Variants in ANKRD44 observed in about 807,000 individuals in gnomAD.
ANKRD44 encodes the protein serine/threonine-protein phosphatase 6 regulatory ankyrin repeat subunit B.
A neutral mutation model predicts 116.0 loss-of-function variants in ANKRD44; 35 were observed. The observed-to-expected ratio is 0.30, with a 90% CI of 0.23 to 0.40. ANKRD44 has a LOEUF of 0.40. Among genes scored for constraint, ANKRD44 ranks in the 10% least tolerant of loss-of-function variants. The pLI is 1.00. For missense variants in ANKRD44, 1,014 were observed against 1,242.6 expected (o/e 0.82, Z 2.77); for synonymous variants, 435 against 461.8 (o/e 0.94, Z 0.74).
intron 1 of ANKRD44, among the ~76,000 whole-genome samples, chr2:197,284,675 C>T (rs1015756449): frequency 5.3e-5 from 8 of 152,010 alleles, no homozygotes; most frequent in East Asian, 1.9e-4. Flanking sequence ...CACTTGAGGC[C>T]AGGAGTTCGA....
At chr2:197,211,844 C>T (rs1037916328) in intron 1 of ANKRD44, among the ~76,000 whole-genome samples, 5 of 151,830 alleles carry the variant, frequency 3.3e-5, no homozygotes, top group African/African-American at 9.7e-5. Flanking sequence ...CAGGAGACGA[C>T]GCAGCACAAA....
intron 1 of ANKRD44, among the ~76,000 whole-genome samples, chr2:197,200,575 A>G (rs908888124): frequency 1.5e-4 from 23 of 152,054 alleles, no homozygotes; most frequent in Non-Finnish European, 2.6e-4. Context: ...AAAATGCACT[A>G]CTTCCAGACA....
intron 1 of ANKRD44, among the ~76,000 whole-genome samples, chr2:197,189,291 T>C (rs1014138388): frequency 6.6e-6 from 1 of 152,206 alleles, no homozygotes; most frequent in South Asian, 2.1e-4. Context: ...ATATATCTCT[T>C]TTTCTTTCTC....
intron 17 of ANKRD44, among the ~76,000 whole-genome samples, chr2:197,021,043 C>T (rs1317397556): frequency 1.3e-5 from 2 of 152,068 alleles, no homozygotes; most frequent in Non-Finnish European, 2.9e-5. Context: ...TGAGAACATG[C>T]AGTGTTTGGT....
chr2:197,079,792 T>C (rs2077752172), intron 15 of ANKRD44, among the ~76,000 whole-genome samples: 2 of 146,778 alleles, frequency 1.4e-5, no homozygotes, highest in Non-Finnish European at 3.0e-5. Flanking sequence ...ATTTCTATAG[T>C]TTACCCAAAA....
rs1266547061 is a variant in ANKRD44, at chr2:197,288,627, A to ATG, written c.27+21950_27+21951insCA. ...TGGATAAAGAAAATGTGATATATAT[A>ATG]TATACACATACACACGTGATATATA... is the stretch of plus-strand genomic sequence containing the variant. On this transcript the variant is annotated intron_variant, in intron 1 of 27. Coordinates refer to ENST00000282272, the MANE Select transcript of ANKRD44 (RefSeq NM_001195144.2). 2.6e-5 allele frequency among the ~76,000 whole-genome samples: 4 copies of ATG among 152,098 alleles called. No homozygotes were observed. In the East Asian group the frequency reaches 7.7e-4, roughly 29 times the overall value.
chr2:197,169,155 C>G lies in ANKRD44; in HGVS notation c.111+17868G>C, dbSNP rs140632150. ...TAATTTTCTTCTGGGAAGTTGCACT[C>G]TCTCCCCTAACCCTCCTTGGGGCCT... On this transcript the variant is annotated intron_variant, in intron 2 of 27. Transcript: ENST00000282272. 8.6e-3 allele frequency among the ~76,000 whole-genome samples: 1,307 copies of G among 152,236 alleles called. 15 individuals carry two copies. Among genetic ancestry groups the G allele is most frequent in the Non-Finnish European group, 0.012 (818 of 68,014 alleles).
intron 3 of ANKRD44, among the ~76,000 whole-genome samples, chr2:197,146,768 T>C (rs2079515650): frequency 6.6e-6 from 1 of 152,164 alleles, no homozygotes; most frequent in African/African-American, 2.4e-5. Flanking sequence ...ATGTACTGAA[T>C]TCATCTACAA....
At chr2:197,231,694 C>A (rs978207678) in intron 1 of ANKRD44, among the ~76,000 whole-genome samples, 1 of 151,810 alleles carries the variant, frequency 6.6e-6, no homozygotes, top group Non-Finnish European at 1.5e-5. Context: ...ATGCACAGGG[C>A]AGCCCCCACA....
chr2:197,112,478 G>A (rs937263166), intron 8 of ANKRD44, among the ~76,000 whole-genome samples: 3 of 152,148 alleles, frequency 2.0e-5, no homozygotes, highest in African/African-American at 7.2e-5. Flanking sequence ...GGGAGGCCGA[G>A]GCGGGAGGAT....
intron 1 of ANKRD44, among the ~76,000 whole-genome samples, chr2:197,284,455 C>T (rs1166917980): frequency 6.6e-6 from 1 of 151,882 alleles, no homozygotes; most frequent in African/African-American, 2.4e-5. Context: ...CAAACCCTAG[C>T]ACATACCACC....
intron 1 of ANKRD44, among the ~76,000 whole-genome samples, chr2:197,209,888 G>A (rs992349003): frequency 6.6e-6 from 1 of 152,192 alleles, no homozygotes; most frequent in Admixed American, 6.5e-5. Context: ...AACAGGGAGT[G>A]AAGATATGAC....
At chr2:197,251,542 T>C (rs867327885) in intron 1 of ANKRD44, among the ~76,000 whole-genome samples, 9 of 152,254 alleles carry the variant, frequency 5.9e-5, no homozygotes, top group Admixed American at 2.0e-4. Flanking sequence ...ATTAGTTTAA[T>C]AGCCATAAAA....
At chr2:197,133,641 C>T (rs2079143070) in intron 4 of ANKRD44, among the ~76,000 whole-genome samples, 1 of 152,186 alleles carries the variant, frequency 6.6e-6, no homozygotes, top group South Asian at 2.1e-4. Context: ...AAGAACAGAC[C>T]TGTGCCAGCT....
intron 15 of ANKRD44, among the ~76,000 whole-genome samples, chr2:197,079,274 TAA>T (rs2077741199): frequency 6.7e-6 from 1 of 150,114 alleles, no homozygotes; most frequent in Non-Finnish European, 1.5e-5. Context: ...AAATGAAAGT[TAA>T]AAAGAGTAAG....
In ANKRD44 at chr2:197,203,939, T is replaced by C. The variant is rs1177535368; in HGVS notation, c.28-16833A>G. Among the ~76,000 whole-genome samples, 1 of 152,216 alleles carries C rather than the reference T, an allele frequency of 6.6e-6. No individual in the cohort carries two copies. Among genetic ancestry groups the C allele is most frequent in the Non-Finnish European group, 1.5e-5 (1 of 68,026 alleles). ...TAGAAACAGAAAGCTGATTAGCAGT[T>C]ACCAGGGATCGGGAGGGAACGGGAA... On this transcript the variant is annotated intron_variant, in intron 1 of 27. Coordinates refer to ENST00000282272, the MANE Select transcript of ANKRD44 (RefSeq NM_001195144.2). This position sits in a 1 kb window ranked among gnomAD's most constrained non-coding sequence, Gnocchi z 4.1.
intron 1 of ANKRD44, among the ~76,000 whole-genome samples, chr2:197,281,322 A>G (rs2083258115): frequency 6.6e-6 from 1 of 151,776 alleles, no homozygotes; most frequent in African/African-American, 2.4e-5. Flanking sequence ...CCTGCTCCCC[A>G]CCTCCTGATC....
At chr2:196,999,561 CACTTATTTATTTATTTATTT>C (rs1227825277) in intron 23 of ANKRD44, among the ~76,000 whole-genome samples, 5 of 122,958 alleles carry the variant, frequency 4.1e-5, no homozygotes, top group African/African-American at 1.5e-4. Context: ...TGTGTACAGA[CACTTATTTATTTATTTATTT>C]ATTTATTTAT....
chr2:197,147,428 T>TGA (rs2079532552), intron 2 of ANKRD44, among the ~76,000 whole-genome samples: 1 of 142,894 alleles, frequency 7.0e-6, no homozygotes, highest in East Asian at 2.0e-4. Context: ...TCAGGATGGT[T>TGA]AAAAAAAAAA....
Sources: allele counts gnomAD v4.1 joint callset (sites outside exome capture counted in the v4.1 genomes callset), GRCh38; gene constraint gnomAD v4.1.1; non-coding constraint Gnocchi (gnomAD v3.1); transcripts MANE v1.5; gene names NCBI Gene and HGNC (gene_info 2026-07-23, HGNC 2026-07-21).